CSMD3: variants seen among roughly 807,000 people sequenced by gnomAD.
CSMD3 encodes CUB and Sushi multiple domains 3, also known as CUB and sushi domain-containing protein 3.
CSMD3 carries 177 observed loss-of-function variants against 435.2 expected under a neutral mutation model. The ratio of observed to expected loss-of-function variants is 0.41; its 90% CI spans 0.36 to 0.46. The LOEUF (loss-of-function observed/expected upper bound fraction) is 0.46, where lower values mean the gene tolerates loss of function less well. CSMD3 is among the 20% of genes least tolerant of loss of function. CSMD3 has a pLI of 0.34. For synonymous variants in CSMD3, 1,656 were observed against 1,520.5 expected (o/e 1.09, Z -2.07); for missense variants, 4,265 against 4,504.6 (o/e 0.95, Z 1.52).
intron 6 of CSMD3, among the ~76,000 whole-genome samples, chr8:113,013,595 C>G (rs1307402266): frequency 6.6e-6 from 1 of 151,884 alleles, no homozygotes; most frequent in Non-Finnish European, 1.5e-5. Context: ...GCTTCCAGAG[C>G]CAAAGGGAAA....
At chr8:112,409,633 C>T (rs1832162796) in intron 32 of CSMD3, among the ~76,000 whole-genome samples, 2 of 151,720 alleles carry the variant, frequency 1.3e-5, no homozygotes, top group South Asian at 4.2e-4. Flanking sequence ...TTTATGATTC[C>T]TCAGCAATTG....
At chr8:112,861,115 T>G (rs1016678144) in intron 10 of CSMD3, among the ~76,000 whole-genome samples, 3 of 151,874 alleles carry the variant, frequency 2.0e-5, no homozygotes, top group Non-Finnish European at 3.0e-5. Context: ...TGTTTTCCTC[T>G]GTGGAAACAT....
chr8:112,441,767 T>C (rs1437485234), intron 32 of CSMD3, among the ~76,000 whole-genome samples: 1 of 152,078 alleles, frequency 6.6e-6, no homozygotes, highest in East Asian at 1.9e-4. Context: ...CCATCAGATG[T>C]CATGAGAACT....
At chr8:112,314,173 A>T in intron 48 of CSMD3, 121 bp from the exon 49 acceptor site, 1 of 764,354 alleles carries the variant, frequency 1.3e-6, no homozygotes, top group Admixed American at 2.4e-5. Flanking sequence ...AATCTACCTC[A>T]TTAACAATAA....
intron 5 of CSMD3, among the ~76,000 whole-genome samples, chr8:113,074,832 C>T (rs1257223444): frequency 1.3e-5 from 2 of 151,724 alleles, no homozygotes. Flanking sequence ...AAACTGTTTT[C>T]TACAGTTTAT....
At chr8:112,896,287 AAT>A (rs1444520379) in intron 10 of CSMD3, among the ~76,000 whole-genome samples, 1 of 151,432 alleles carries the variant, frequency 6.6e-6, no homozygotes, top group Non-Finnish European at 1.5e-5. Flanking sequence ...CAGGCCTGAG[AAT>A]AAGAGAAACT....
chr8:112,240,384 A>G (rs181367889), intron 66 of CSMD3, among the ~76,000 whole-genome samples: 39 of 152,202 alleles, frequency 2.6e-4, no homozygotes, highest in Admixed American at 2.4e-3. Context: ...ATGGACAATT[A>G]TGGTTTTCTG....
At chr8:112,814,758 G>A (rs13256271) in intron 12 of CSMD3, among the ~76,000 whole-genome samples, 31,414 of 151,278 alleles carry the variant, frequency 0.21, 4,041 homozygotes, top group Non-Finnish European at 0.3. Context: ...TTCCAGCCTG[G>A]GCAACAGAGC....
intron 1 of CSMD3, among the ~76,000 whole-genome samples, chr8:113,372,490 T>C (rs555133151): frequency 1.3e-5 from 2 of 152,174 alleles, no homozygotes; most frequent in Non-Finnish European, 2.9e-5. Context: ...CTGAGTTTTT[T>C]ATGTCCTGAT....
intron 59 of CSMD3, among the ~76,000 whole-genome samples, chr8:112,267,258 C>T (rs2130433856): frequency 6.6e-6 from 1 of 152,166 alleles, no homozygotes; most frequent in Non-Finnish European, 1.5e-5. Flanking sequence ...TCATTCAGAG[C>T]ATTCAACCTC....
chr8:112,389,493 T>C (rs1269040567), intron 36 of CSMD3, among the ~76,000 whole-genome samples: 1 of 152,190 alleles, frequency 6.6e-6, no homozygotes, highest in Non-Finnish European at 1.5e-5. Context: ...CTATAATCTT[T>C]GGATGGCCTT....
rs150590660 is a variant in CSMD3, at chr8:112,913,094, G to A, written c.1633+8533C>T. On this transcript the variant is annotated intron_variant, in intron 10 of 70. Transcript: ENST00000297405. ...ATTAGCCTTGTTTACTGCATCTTCA[G>A]GGTTCAACTCAGGTACTTTTTTCTG... Among the ~76,000 whole-genome samples the A allele has an allele frequency of 1.7e-3, 260 of 151,960 alleles. 4 individuals are homozygous for A. The Middle Eastern group carries it at 0.034, about 20-fold the overall frequency.
At chr8:113,310,365 T>C (rs904372250) in intron 2 of CSMD3, 48 of 151,968 alleles carry the variant, frequency 3.2e-4, no homozygotes, top group African/African-American at 1.0e-3. Context: ...ATAATATATA[T>C]CATATAAAAA....
intron 11 of CSMD3, among the ~76,000 whole-genome samples, chr8:112,842,708 A>G (rs1387348928): frequency 1.3e-5 from 2 of 151,836 alleles, no homozygotes; most frequent in Non-Finnish European, 2.9e-5. Context: ...TTTATATACA[A>G]CTAGGTACTT....
chr8:113,099,287 G>T (rs2090262086), intron 4 of CSMD3, among the ~76,000 whole-genome samples: 1 of 152,012 alleles, frequency 6.6e-6, no homozygotes, highest in Admixed American at 6.6e-5. Context: ...GACAAAGTGA[G>T]TTAAACAAAG....
intron 32 of CSMD3, among the ~76,000 whole-genome samples, chr8:112,459,018 C>T (rs16883628): frequency 0.018 from 2,670 of 152,124 alleles, 81 homozygotes; most frequent in African/African-American, 0.061. Context: ...TGAATGCTTC[C>T]TCCCTTCTCC....
intron 4 of CSMD3, among the ~76,000 whole-genome samples, chr8:113,129,113 A>G (rs1418575811): frequency 1.3e-5 from 2 of 152,180 alleles, no homozygotes; most frequent in Non-Finnish European, 1.5e-5. Context: ...GTTAAAATGC[A>G]TAATGAAGAT....
chr8:113,038,453 G>A (rs2087455486), intron 5 of CSMD3, among the ~76,000 whole-genome samples: 1 of 152,116 alleles, frequency 6.6e-6, no homozygotes, highest in Non-Finnish European at 1.5e-5. Context: ...TTTCATGCTA[G>A]TGAGGAGACA....
chr8:112,850,424 G>T (rs1444037903), intron 11 of CSMD3, among the ~76,000 whole-genome samples: 1 of 152,160 alleles, frequency 6.6e-6, no homozygotes, highest in Non-Finnish European at 1.5e-5. Context: ...TTTTGTTGAT[G>T]TCTGCCAAAC....
Sources: gnomAD v4.1 joint callset for allele counts (sites outside exome capture counted in the v4.1 genomes callset) on GRCh38, gnomAD v4.1.1 for gene constraint, MANE v1.5 for transcripts, NCBI Gene and HGNC (gene_info 2026-07-23, HGNC 2026-07-21) for gene names.